The following CDYL2 variants were observed in gnomAD, a reference collection of about 807,000 sequenced individuals.
CDYL2 encodes chromodomain Y-like protein 2.
Under a neutral mutation model 49.4 loss-of-function variants are expected in CDYL2, and 23 were observed. The ratio of observed to expected loss-of-function variants is 0.47; its 90% CI spans 0.34 to 0.66. The LOEUF is 0.66. Ranked by LOEUF, CDYL2 falls within the 30% of genes least tolerant of loss-of-function variation. The probability of loss-of-function intolerance (pLI) is 0.01; values close to 1 mark genes in which losing one functional copy is unlikely to be tolerated. For synonymous variants in CDYL2, 360 were observed against 268.8 expected (o/e 1.34, Z -3.32); for missense variants, 678 against 656.4 (o/e 1.03, Z -0.36).
intron 1 of CDYL2, among the ~76,000 whole-genome samples, chr16:80,692,815 T>A (rs1016567110): frequency 6.6e-6 from 1 of 152,208 alleles, no homozygotes; most frequent in Non-Finnish European, 1.5e-5. Flanking sequence ...GAGTAACATG[T>A]TTGTGTATAT....
intron 1 of CDYL2, among the ~76,000 whole-genome samples, chr16:80,794,782 T>C (rs1047386185): frequency 6.6e-6 from 1 of 151,758 alleles, no homozygotes; most frequent in African/African-American, 2.4e-5. Flanking sequence ...CCCGGCTAAT[T>C]TTGTGTTTTT....
At chr16:80,748,399 C>T (rs1350104155) in intron 1 of CDYL2, among the ~76,000 whole-genome samples, 13 of 146,568 alleles carry the variant, frequency 8.9e-5, no homozygotes, top group Non-Finnish European at 1.6e-4. Flanking sequence ...TGGTGGCAGG[C>T]GCCTGTAGTA....
intron 1 of CDYL2, among the ~76,000 whole-genome samples, chr16:80,747,634 G>C (rs1213710462): frequency 6.6e-6 from 1 of 152,094 alleles, no homozygotes; most frequent in Non-Finnish European, 1.5e-5. Context: ...CATCAGGATT[G>C]AGCTTCGTCC....
chr16:80,662,175 T>G (rs1232767135), intron 2 of CDYL2, among the ~76,000 whole-genome samples: 3 of 152,184 alleles, frequency 2.0e-5, no homozygotes, highest in Non-Finnish European at 4.4e-5. Context: ...GACTAACTCG[T>G]ATTTATATCA....
In CDYL2 at chr16:80,684,729, C is replaced by T. The variant is rs1403708630; in HGVS notation, c.425G>A (p.Ser142Asn). Residue 142 changes from serine to asparagine, a missense_variant, in exon 2 of 7, where the codon AGT becomes AAT. Physicochemically the swap from Ser to Asn is conservative, Grantham distance 46 (BLOSUM62 1). Transcript: ENST00000570137. ...TTTCAGGGGCATTATTTGCAAACCA[C>T]TGGGGGTAGTCCTGTAAGACACCGT... is the stretch of plus-strand genomic sequence containing the variant. Reference protein sequence around the residue: ...TKTVSYRTTPSGLQIMPLKKS... With the variant: ...TKTVSYRTTPNGLQIMPLKKS... The T allele has an allele frequency of 6.2e-7, 1 of 1,614,056 alleles. No homozygotes were observed. The highest frequency in any genetic ancestry group is 2.2e-5 in the East Asian group (1 of 44,882).
intron 1 of CDYL2, among the ~76,000 whole-genome samples, chr16:80,700,797 G>A (rs776812265): frequency 2.6e-5 from 4 of 152,212 alleles, no homozygotes; most frequent in African/African-American, 9.7e-5. Context: ...TAGTACATAG[G>A]TTCACATCAT....
At chr16:80,716,022 G>C (rs1904787301) in intron 1 of CDYL2, among the ~76,000 whole-genome samples, 1 of 152,258 alleles carries the variant, frequency 6.6e-6, no homozygotes, top group African/African-American at 2.4e-5. Context: ...TTATGCCTCA[G>C]TTCCTCATGG....
intron 2 of CDYL2, among the ~76,000 whole-genome samples, chr16:80,651,303 T>A (rs140124475): frequency 6.6e-6 from 1 of 152,062 alleles, no homozygotes; most frequent in African/African-American, 2.4e-5. Context: ...AAAAAAAGAA[T>A]GAATAGTAAA....
chr16:80,700,045 G>C (rs1904292897), intron 1 of CDYL2, among the ~76,000 whole-genome samples: 1 of 152,106 alleles, frequency 6.6e-6, no homozygotes, highest in East Asian at 1.9e-4. Flanking sequence ...TTTTTTAGTA[G>C]AGACGGGGTT....
At chr16:80,760,929 T>C (rs1190108495) in intron 1 of CDYL2, among the ~76,000 whole-genome samples, 1 of 152,160 alleles carries the variant, frequency 6.6e-6, no homozygotes, top group Non-Finnish European at 1.5e-5. Context: ...CCGGTGCGTC[T>C]GTGGATTTAA....
At chr16:80,642,588 G>A (rs1908148486) in intron 2 of CDYL2, among the ~76,000 whole-genome samples, 1 of 152,140 alleles carries the variant, frequency 6.6e-6, no homozygotes, top group Admixed American at 6.5e-5. Context: ...AAGACATCGG[G>A]TAGACTGGGA....
chr16:80,600,725 T>G lies in CDYL2; in HGVS notation c.*3663A>C, dbSNP rs912028380. The stretch of plus-strand genomic sequence containing the variant: ...AGATGTTTCTATTTGTTTCTCTCTG[T>G]TAAAAAATTTCCACAGAAACTAGAT... On this transcript the variant is annotated 3_prime_UTR_variant, in exon 7 of 7. Coordinates refer to ENST00000570137, the MANE Select transcript of CDYL2 (RefSeq NM_152342.4). 1 of 152,168 alleles carries G rather than the reference T, an allele frequency of 6.6e-6. No homozygotes were observed. The highest frequency in any genetic ancestry group is 2.4e-5 in the African/African-American group (1 of 41,460). The allele number at this position is 152,168 out of a possible 1,614,324, so 9.4% of individuals were successfully genotyped here.
chr16:80,653,189 G>A (rs1376617621), intron 2 of CDYL2, among the ~76,000 whole-genome samples: 1 of 152,200 alleles, frequency 6.6e-6, no homozygotes, highest in Non-Finnish European at 1.5e-5. Context: ...AATTTGGCTG[G>A]GCGCGATGGC....
chr16:80,621,701 C>T (rs753956998), intron 3 of CDYL2, among the ~76,000 whole-genome samples: 1 of 152,210 alleles, frequency 6.6e-6, no homozygotes, highest in South Asian at 2.1e-4. Context: ...CCTCTTCATG[C>T]CAGTAAAGGT....
At chr16:80,732,116 TC>T (rs1905347873) in intron 1 of CDYL2, among the ~76,000 whole-genome samples, 2 of 152,202 alleles carry the variant, frequency 1.3e-5, no homozygotes, top group South Asian at 4.1e-4. Flanking sequence ...ATGAGAGTCA[TC>T]ATTTTTATTG....
chr16:80,604,315 G>A lies in CDYL2; in HGVS notation c.*73C>T. 3.9e-6 allele frequency: 6 copies of A among 1,542,676 alleles called. No individual in the cohort carries two copies. Among genetic ancestry groups the A allele is most frequent in the East Asian group, 2.2e-5 (1 of 44,510 alleles). On this transcript the variant is annotated 3_prime_UTR_variant, in exon 7 of 7. Transcript: ENST00000570137. ...GACACCTTGACAAACTCCTTGGCCG[G>A]GGCAGACACTGTGCTCTGGTTTCCG...
At chr16:80,719,772 G>A (rs1904936691) in intron 1 of CDYL2, among the ~76,000 whole-genome samples, 1 of 152,210 alleles carries the variant, frequency 6.6e-6, no homozygotes, top group Non-Finnish European at 1.5e-5. Flanking sequence ...ATGTAGTCAT[G>A]AAGACAGGAA....
At chr16:80,610,372 G>A (rs185097606) in intron 5 of CDYL2, among the ~76,000 whole-genome samples, 34 of 152,326 alleles carry the variant, frequency 2.2e-4, no homozygotes, top group African/African-American at 8.2e-4. Context: ...AATGTCAAAG[G>A]TGGGTGTTGA....
rs766949475 is a variant in CDYL2, at chr16:80,633,109, C to G, written c.744G>C (p.Arg248=). The G allele has an allele frequency of 1.2e-6, 2 of 1,614,180 alleles. No individual in the cohort carries two copies. The highest frequency in any genetic ancestry group is 3.3e-5 in the Admixed American group (2 of 60,018). ...YSVRQNESNC[R]FRDIVVRKEE... is the part of the protein sequence containing the mutation. The stretch of plus-strand genomic sequence containing the variant: ...CCTTCCGCACAACGATGTCTCGAAA[C>G]CGACAGTTGCTTTCATTCTGGCGGA... Residue 248 remains arginine (R), a synonymous_variant, in exon 3 of 7, where the codon CGG becomes CGC. Transcript: ENST00000570137.
Sources: allele counts gnomAD v4.1 joint callset (sites outside exome capture counted in the v4.1 genomes callset), GRCh38; gene constraint gnomAD v4.1.1; transcripts MANE v1.5; gene names NCBI Gene and HGNC (gene_info 2026-07-23, HGNC 2026-07-21).